SFMBT2: variants seen among roughly 807,000 people sequenced by gnomAD.
SFMBT2 encodes the protein scm-like with four MBT domains protein 2.
In SFMBT2, 38 loss-of-function variants were observed where a neutral mutation model predicts 110.1. The ratio of observed to expected loss-of-function variants is 0.35; its 90% CI spans 0.27 to 0.45. SFMBT2 has a LOEUF of 0.45. Ranked by LOEUF, SFMBT2 falls within the 20% of genes least tolerant of loss-of-function variation. The probability of loss-of-function intolerance (pLI) is 1.00; values close to 1 mark genes in which losing one functional copy is unlikely to be tolerated. For synonymous variants in SFMBT2, 425 were observed against 425.4 expected, an observed-to-expected ratio of 1.00 and a Z score of 0.01; for missense variants, 1,011 against 1,094.9, an observed-to-expected ratio of 0.92 and a Z score of 1.08.
intron 4 of SFMBT2, among the ~76,000 whole-genome samples, chr10:7,343,136 C>T (rs1284265822): frequency 6.6e-6 from 1 of 151,982 alleles, no homozygotes; most frequent in Non-Finnish European, 1.5e-5. Flanking sequence ...GAGCATGCAG[C>T]ATCTGGTTTT....
chr10:7,312,679 T>C (rs1274242270), intron 4 of SFMBT2, among the ~76,000 whole-genome samples: 3 of 152,220 alleles, frequency 2.0e-5, no homozygotes, highest in South Asian at 2.1e-4. Context: ...CTCAGCTTAA[T>C]GGTCTGTTTC....
chr10:7,342,394 G>GTTTT (rs1411169372), intron 4 of SFMBT2, among the ~76,000 whole-genome samples: 2 of 90,944 alleles, frequency 2.2e-5, no homozygotes, highest in African/African-American at 7.9e-5. Context: ...ACTGGAGTGA[G>GTTTT]TCTTTTTTTT....
chr10:7,257,151 G>C (rs1841042596), intron 7 of SFMBT2, among the ~76,000 whole-genome samples: 1 of 148,676 alleles, frequency 6.7e-6, no homozygotes, highest in Admixed American at 6.8e-5. Context: ...AAACTGTACA[G>C]TGAGAAACAG....
At chr10:7,348,416 ACT>A in intron 4 of SFMBT2, 1 of 1,174,124 alleles carries the variant, frequency 8.5e-7, no homozygotes, top group Non-Finnish European at 1.1e-6. Context: ...GCTCTTCATA[ACT>A]ACTGTGTAAA....
intron 1 of SFMBT2, among the ~76,000 whole-genome samples, chr10:7,386,544 G>A (rs191990792): frequency 3.3e-5 from 5 of 152,056 alleles, no homozygotes; most frequent in African/African-American, 9.6e-5. Flanking sequence ...GGAGGCAGAG[G>A]TTGCAGTGAG....
intron 4 of SFMBT2, among the ~76,000 whole-genome samples, chr10:7,298,592 TGTGA>T (rs1842472361): frequency 6.6e-6 from 1 of 152,202 alleles, no homozygotes; most frequent in Admixed American, 6.5e-5. Flanking sequence ...GTGAAATATG[TGTGA>T]GTGTGTATGC....
intron 12 of SFMBT2, chr10:7,203,963 C>T (rs571524321): frequency 2.1e-5 from 4 of 186,324 alleles, no homozygotes; most frequent in Non-Finnish European, 4.0e-5. Flanking sequence ...GTGATCCACC[C>T]GCCTCGGCCT....
chr10:7,289,885 A>T (rs143523462), intron 4 of SFMBT2, among the ~76,000 whole-genome samples: 1 of 152,236 alleles, frequency 6.6e-6, no homozygotes, highest in African/African-American at 2.4e-5. Context: ...ATTCACTGCA[A>T]TGGAAGCTAA....
At chr10:7,181,731 T>C (rs988274538) in intron 16 of SFMBT2, among the ~76,000 whole-genome samples, 8 of 152,124 alleles carry the variant, frequency 5.3e-5, no homozygotes, top group Non-Finnish European at 1.0e-4. Context: ...CCTGAACCAA[T>C]AAACAGGCTT....
chr10:7,354,343 A>T (rs1245020555), intron 4 of SFMBT2, among the ~76,000 whole-genome samples: 1 of 152,194 alleles, frequency 6.6e-6, no homozygotes, highest in African/African-American at 2.4e-5. Context: ...GATCAAAATA[A>T]CACGAATAAC....
chr10:7,169,426 C>T (rs1837803239), intron 20 of SFMBT2, among the ~76,000 whole-genome samples: 1 of 152,098 alleles, frequency 6.6e-6, no homozygotes, highest in Non-Finnish European at 1.5e-5. Flanking sequence ...TTTTCCAGTT[C>T]ATTGCTGCAT....
At chr10:7,232,046 G>C (rs1450528966) in intron 9 of SFMBT2, among the ~76,000 whole-genome samples, 1 of 152,138 alleles carries the variant, frequency 6.6e-6, no homozygotes, top group Non-Finnish European at 1.5e-5. Flanking sequence ...AGAAGAAAAT[G>C]AAAGGAAATA....
chr10:7,204,429 C>T (rs1285706496), intron 12 of SFMBT2: 48 of 985,218 alleles, frequency 4.9e-5, no homozygotes, highest in Non-Finnish European at 5.7e-5. Context: ...GAGACGGAAT[C>T]TCTTTAACAG....
In SFMBT2 at chr10:7,367,775, G is replaced by A. The variant is rs536679106; in HGVS notation, c.310C>T (p.Leu104=). The A allele has an allele frequency of 8.7e-6, 14 of 1,614,186 alleles. 1 individual carries two copies. In the South Asian group the frequency reaches 1.4e-4, roughly 16 times the overall value. Residue 104 remains leucine (L), a synonymous_variant, in exon 4 of 21, where the codon CTG becomes TTG. Coordinates refer to ENST00000397167, the MANE Select transcript of SFMBT2 (RefSeq NM_001387889.1). The surrounding 1 kb of genome is among the most constrained non-coding windows in gnomAD (Gnocchi z 6.2). ...CCGTAACCGCAGTAGCGCAGAAGCA[G>A]CAGCTGCCCGCACGTGGTAATGATC... ...ATIITTCGQL[L]LLRYCGYGED...
intron 7 of SFMBT2, among the ~76,000 whole-genome samples, chr10:7,261,768 A>G (rs1841211828): frequency 6.6e-6 from 1 of 152,252 alleles, no homozygotes; most frequent in Non-Finnish European, 1.5e-5. Context: ...GTAAAGGTTT[A>G]TCTGACATGT....
chr10:7,209,476 CCAT>C (rs1226346050), intron 11 of SFMBT2, among the ~76,000 whole-genome samples: 1 of 152,210 alleles, frequency 6.6e-6, no homozygotes, highest in Non-Finnish European at 1.5e-5. Flanking sequence ...GCTTAATTCC[CCAT>C]CTATGGGAAA....
chr10:7,361,104 A>G (rs180750928), intron 4 of SFMBT2, among the ~76,000 whole-genome samples: 2 of 152,308 alleles, frequency 1.3e-5, no homozygotes, highest in East Asian at 3.8e-4. Context: ...GCTATCTAAT[A>G]TTTAATGAGT....
At chr10:7,334,259 C>T (rs569277767) in intron 4 of SFMBT2, among the ~76,000 whole-genome samples, 1 of 152,306 alleles carries the variant, frequency 6.6e-6, no homozygotes, top group East Asian at 1.9e-4. Context: ...ACCCACCGTG[C>T]AGCCTCCGAG....
chr10:7,397,675 A>G (rs891077414), intron 1 of SFMBT2, among the ~76,000 whole-genome samples: 1 of 152,242 alleles, frequency 6.6e-6, no homozygotes, highest in African/African-American at 2.4e-5. Context: ...CACTGTTTCC[A>G]TGTTCCTAAG....
Sources: gnomAD v4.1 joint callset for allele counts (sites outside exome capture counted in the v4.1 genomes callset) on GRCh38, gnomAD v4.1.1 for gene constraint, Gnocchi (gnomAD v3.1) non-coding constraint, MANE v1.5 for transcripts, NCBI Gene and HGNC (gene_info 2026-07-23, HGNC 2026-07-21) for gene names.